ADGRD1: variants seen among roughly 807,000 people sequenced by gnomAD.
The protein encoded by ADGRD1 is G-protein coupled receptor 133.
ADGRD1 carries 77 observed loss-of-function variants against 113.4 expected under a neutral mutation model. That is an observed-to-expected ratio of 0.68 (90% CI 0.57 to 0.82). The LOEUF (loss-of-function observed/expected upper bound fraction) is 0.82. ADGRD1 is among the 40% of genes least tolerant of loss of function. The pLI is 0.00. For missense variants in ADGRD1, 1,036 were observed against 1,139.1 expected (o/e 0.91, Z 1.30); for synonymous variants, 474 against 475.0 (o/e 1.00, Z 0.03).
In ADGRD1 at chr12:131,051,216, G is replaced by C. The variant is rs558711027; in HGVS notation, c.1474-25585G>C. 5.3e-5 allele frequency among the ~76,000 whole-genome samples: 8 copies of C among 152,334 alleles called. No individual in the cohort carries two copies. The East Asian group carries it at 1.2e-3, about 22-fold the overall frequency. On this transcript the variant is annotated intron_variant, in intron 13 of 24. Coordinates refer to ENST00000261654, the MANE Select transcript of ADGRD1 (RefSeq NM_198827.5). ...GTCTCGCCCATGTCCCGGGGTGCTC[G>C]TGCTTGTGGGAAGTTCAGGATTATG... is the stretch of plus-strand genomic sequence containing the variant.
intron 13 of ADGRD1, among the ~76,000 whole-genome samples, chr12:131,029,439 C>G (rs958864159): frequency 6.6e-6 from 1 of 152,228 alleles, no homozygotes; most frequent in East Asian, 1.9e-4. Context: ...CAGAAAGGTC[C>G]CTTTTGCCAT....
chr12:131,140,855 C>T lies in ADGRD1; in HGVS notation c.*1592C>T, dbSNP rs1231975465. ...GGCCCAGGCTGCACCAGCCACCTGCCACATGGTGACAGTGCCACGGGCCCT... is the reference window on the plus strand; with the variant it reads ...GGCCCAGGCTGCACCAGCCACCTGCTACATGGTGACAGTGCCACGGGCCCT... On this transcript the variant is annotated 3_prime_UTR_variant, in exon 25 of 25. Transcript: ENST00000261654. 6.6e-6 allele frequency: 1 copy of T among 152,304 alleles called. No individual in the cohort carries two copies. The highest frequency in any genetic ancestry group is 1.9e-4 in the East Asian group (1 of 5,200). The allele number at this position is 152,304 out of a possible 1,614,324, so 9.4% of individuals were successfully genotyped here.
rs972010625 is a variant in ADGRD1 at position 130,982,208 on chromosome 12, G to A, written c.490+145G>A. 25 of 720,570 alleles carry A rather than the reference G, an allele frequency of 3.5e-5. 1 individual carries two copies. The South Asian group carries it at 4.0e-4, about 12-fold the overall frequency. The allele number at this position is 720,570 out of a possible 1,614,324, so 44.6% of individuals were successfully genotyped here. A position where few individuals can be genotyped will look rare whatever the true frequency, so the allele number is the denominator to read the frequency against. On this transcript the variant is annotated intron_variant, in intron 5 of 24. Coordinates refer to ENST00000261654, the MANE Select transcript of ADGRD1 (RefSeq NM_198827.5). ...CCCGAGCTCCTTTCCTTTAAGGGTT[G>A]TTGGGGAGGTGCATGGGGAGAGGCA...
chr12:131,001,739 G>A (rs866917982), intron 9 of ADGRD1, among the ~76,000 whole-genome samples: 2 of 152,136 alleles, frequency 1.3e-5, no homozygotes, highest in Non-Finnish European at 1.5e-5. Flanking sequence ...CTCAATATGT[G>A]GTTTCCAAGG....
chr12:131,009,352 G>A lies in ADGRD1; in HGVS notation c.1331+3305G>A, dbSNP rs1877577891. Among the ~76,000 whole-genome samples the A allele has an allele frequency of 2.0e-5, 3 of 152,256 alleles. No individual in the cohort carries two copies. The South Asian group carries it at 6.2e-4, about 31-fold the overall frequency. Reference sequence around the variant, plus strand: ...AGAAGAAGTTGGGCAGTTCCGGATTGGGGGAGACTAAAGAGGTTCGTGCCT... The same window carrying A: ...AGAAGAAGTTGGGCAGTTCCGGATTAGGGGAGACTAAAGAGGTTCGTGCCT... On this transcript the variant is annotated intron_variant, in intron 12 of 24. Transcript: ENST00000261654.
intron 13 of ADGRD1, among the ~76,000 whole-genome samples, chr12:131,072,941 C>T (rs940349861): frequency 7.9e-5 from 12 of 152,228 alleles, no homozygotes; most frequent in Non-Finnish European, 1.5e-4. Flanking sequence ...GTGACTTAAC[C>T]AGACAGGCCC....
At chr12:131,047,062 C>T (rs745983560) in intron 13 of ADGRD1, among the ~76,000 whole-genome samples, 5 of 135,086 alleles carry the variant, frequency 3.7e-5, no homozygotes, top group East Asian at 2.4e-4. Flanking sequence ...TGTCCTCCCT[C>T]GTCAATGCTC....
chr12:131,102,209 G>A (rs904505066), intron 15 of ADGRD1, among the ~76,000 whole-genome samples: 3 of 152,212 alleles, frequency 2.0e-5, no homozygotes, highest in Non-Finnish European at 4.4e-5. Context: ...CACACTTAGC[G>A]TGGGGAATGT....
intron 14 of ADGRD1, among the ~76,000 whole-genome samples, chr12:131,078,676 T>A (rs1885836384): frequency 6.6e-6 from 1 of 152,188 alleles, no homozygotes; most frequent in Non-Finnish European, 1.5e-5. Flanking sequence ...GCCCCAAATT[T>A]ATAGTTATTA....
At chr12:131,112,762 C>T (rs1020034467) in intron 18 of ADGRD1, among the ~76,000 whole-genome samples, 1 of 152,224 alleles carries the variant, frequency 6.6e-6, no homozygotes, top group African/African-American at 2.4e-5. Flanking sequence ...ATGTCTGCCT[C>T]TCATGCAGGG....
intron 3 of ADGRD1, chr12:130,970,248 C>T (rs185452078): frequency 6.6e-6 from 1 of 152,280 alleles, no homozygotes; most frequent in Admixed American, 6.5e-5. Context: ...CCCTGTGATC[C>T]TTTTCAACAC....
intron 14 of ADGRD1, among the ~76,000 whole-genome samples, chr12:131,081,481 C>T (rs1187085286): frequency 3.3e-5 from 5 of 152,294 alleles, no homozygotes; most frequent in Admixed American, 1.3e-4. Flanking sequence ...CCTAAGCTTA[C>T]AGTGTATATA....
At chr12:130,981,258 TAAAAAA>T (rs929640121) in intron 4 of ADGRD1, 1 of 151,980 alleles carries the variant, frequency 6.6e-6, no homozygotes, top group African/African-American at 2.4e-5. Context: ...GATTGCTGTT[TAAAAAA>T]AAGACTGTGG....
chr12:131,051,171 G>C (rs983566161), intron 13 of ADGRD1, among the ~76,000 whole-genome samples: 3 of 152,214 alleles, frequency 2.0e-5, no homozygotes, highest in African/African-American at 7.2e-5. Context: ...CTGCCCAGCT[G>C]GGGGAGGAAG....
intron 13 of ADGRD1, chr12:131,026,018 T>C (rs968363520): frequency 6.6e-6 from 1 of 152,230 alleles, no homozygotes; most frequent in Non-Finnish European, 1.5e-5. Flanking sequence ...GACACGTGAC[T>C]GTGTCACTGT....
intron 2 of ADGRD1, chr12:130,957,416 ACG>A (rs376231941): frequency 0.065 from 9,855 of 150,494 alleles, 391 homozygotes; most frequent in Non-Finnish European, 0.094. Context: ...CACCCCACAC[ACG>A]TCCACACACA....
chr12:131,138,692 G>T (rs1221515854), intron 24 of ADGRD1, among the ~76,000 whole-genome samples: 1 of 151,946 alleles, frequency 6.6e-6, no homozygotes, highest in South Asian at 2.1e-4. Context: ...ACCCATTCTC[G>T]CACTCCGCCC....
At position 130,955,123 on chromosome 12, in the gene ADGRD1, C is replaced by CTTTTTTTTTTTTTTTTTTT. The variant is rs71451389; in HGVS notation, c.103+476_103+477insTTTTTTTTTTTTTTTTTTT. On this transcript the variant is annotated intron_variant, in intron 2 of 24. Coordinates refer to ENST00000261654, the MANE Select transcript of ADGRD1 (RefSeq NM_198827.5). ...CACAGGTGTGCACCACTACACCCAG[C>CTTTTTTTTTTTTTTTTTTT]TTTTTTTTTTTTTGTATTTTTAGTA... is the stretch of plus-strand genomic sequence containing the variant. 1.9e-3 allele frequency among the ~76,000 whole-genome samples: 194 copies of CTTTTTTTTTTTTTTTTTTT among 99,660 alleles called. 18 individuals carry two copies. The highest frequency in any genetic ancestry group is 4.2e-3 in the African/African-American group (98 of 23,098). 65.4% of individuals were successfully genotyped at this position (99,660 alleles called of 152,430 possible).
At chr12:131,066,583 A>T (rs1884739143) in intron 13 of ADGRD1, among the ~76,000 whole-genome samples, 1 of 152,214 alleles carries the variant, frequency 6.6e-6, no homozygotes. Context: ...GGACAGAGCC[A>T]GACAGACCGA....
Sources: gnomAD v4.1 joint callset for allele counts (sites outside exome capture counted in the v4.1 genomes callset) on GRCh38, gnomAD v4.1.1 for gene constraint, MANE v1.5 for transcripts, NCBI Gene and HGNC (gene_info 2026-07-23, HGNC 2026-07-21) for gene names.